MAP1S: variants seen among roughly 807,000 people sequenced by gnomAD.
MAP1S encodes microtubule-associated protein 1S.
A neutral mutation model predicts 60.9 loss-of-function variants in MAP1S; 27 were observed. The ratio of observed to expected loss-of-function variants is 0.44; its 90% CI spans 0.33 to 0.61. The LOEUF is 0.61. MAP1S is among the 20% of genes least tolerant of loss of function. The probability of loss-of-function intolerance (pLI) is 0.03; values close to 1 mark genes in which losing one functional copy is unlikely to be tolerated. For missense variants in MAP1S, 1,608 were observed against 1,486.6 expected, an observed-to-expected ratio of 1.08 and a Z score of -1.34; for synonymous variants, 826 against 694.2, an observed-to-expected ratio of 1.19 and a Z score of -2.98.
rs1568291312 is a variant in MAP1S, at chr19:17,725,238, C to G, written c.444+49C>G. On this transcript the variant is annotated intron_variant, in intron 4 of 6. Coordinates refer to ENST00000324096, the MANE Select transcript of MAP1S (RefSeq NM_018174.6). The surrounding 1 kb of genome is among the most constrained non-coding windows in gnomAD (Gnocchi z 4.2). ...CTGCTTCCCCAGCTCTGAATCCTGA[C>G]TGGGGTGTATCAGGCTGTGTGGCAC... 1 of 1,570,604 alleles carries G rather than the reference C, an allele frequency of 6.4e-7. No individual in the cohort carries two copies. Among genetic ancestry groups the G allele is most frequent in the Non-Finnish European group, 8.6e-7 (1 of 1,158,556 alleles).
chr19:17,724,007 T>C, intron 2 of MAP1S, 119 bp from the exon 3 acceptor site: 1 of 707,070 alleles, frequency 1.4e-6, no homozygotes, highest in South Asian at 1.6e-5. Flanking sequence ...CCTGCAGCTC[T>C]GCCGTGCGCC....
At position 17,733,242 on chromosome 19, in the gene MAP1S, G is replaced by A. The variant is rs1184820685; in HGVS notation, c.2838G>A (p.Pro946=). 9 of 1,546,672 alleles carry A rather than the reference G, an allele frequency of 5.8e-6. No homozygotes were observed. The highest frequency in any genetic ancestry group is 2.7e-5 in the African/African-American group (2 of 72,852). ...PGVSATPPKS[P]VYLDLAYLPS... ...TGTCAGCCACCCCACCCAAGTCCCC[G>A]GTCTACCTGGACCTGGCCTACCTGC... Residue 946 remains proline, a synonymous_variant, in exon 6 of 7, where the codon CCG becomes CCA. Transcript: ENST00000324096.
Position 17,726,632 on chromosome 19 carries a change from G to A in MAP1S, c.1248G>A (p.Leu416=). 6.4e-7 allele frequency: 1 copy of A among 1,573,658 alleles called. No individual in the cohort carries two copies. The highest frequency in any genetic ancestry group is 8.6e-7 in the Non-Finnish European group (1 of 1,163,960). Residue 416 remains leucine (L), a synonymous_variant, in exon 5 of 7, where the codon CTG becomes CTA. Transcript: ENST00000324096. ...ERTLASVCAL[L]VWHPAGPGEK... Reference sequence around the variant, plus strand: ...CGCTGGCCTCTGTGTGCGCCCTGCTGGTGTGGCACCCCGCCGGCCCCGGCG... The same window carrying A: ...CGCTGGCCTCTGTGTGCGCCCTGCTAGTGTGGCACCCCGCCGGCCCCGGCG...
intron 3 of MAP1S, among the ~76,000 whole-genome samples, chr19:17,724,570 T>G (rs2145973321): frequency 6.6e-6 from 1 of 152,324 alleles, no homozygotes; most frequent in African/African-American, 2.4e-5. Context: ...AACCAGCTTG[T>G]GGCCATCTGT....
chr19:17,721,349 G>A (rs569505374), intron 2 of MAP1S: 42 of 387,312 alleles, frequency 1.1e-4, no homozygotes, highest in South Asian at 7.9e-4. Flanking sequence ...CAGTGGAAGG[G>A]AAGGGCCCCA....
In MAP1S at chr19:17,726,454, T is replaced by C; in HGVS notation, c.1070T>C (p.Leu357Pro). Residue 357 changes from leucine (L) to proline (P), a missense_variant, in exon 5 of 7, where the codon CTG becomes CCG. Leu to Pro is a moderately conservative substitution (Grantham distance 98). Transcript: ENST00000324096. ...RLARGEDEAELALSLLAQLGI... is the reference protein window; with the variant it reads ...RLARGEDEAEPALSLLAQLGI... ...GCGCGCGGCGAGGATGAGGCGGAGCTGGCGCTGAGCCTCCTGGCGCAGCTG... is the reference window on the plus strand; with the variant it reads ...GCGCGCGGCGAGGATGAGGCGGAGCCGGCGCTGAGCCTCCTGGCGCAGCTG... 1 of 1,553,418 alleles carries C rather than the reference T, an allele frequency of 6.4e-7. No homozygotes were observed. Among genetic ancestry groups the C allele is most frequent in the Non-Finnish European group, 8.7e-7 (1 of 1,155,606 alleles).
At chr19:17,728,932 G>A (rs2080468911) in intron 5 of MAP1S, 1 of 152,200 alleles carries the variant, frequency 6.6e-6, no homozygotes, top group Non-Finnish European at 1.5e-5. Context: ...CTGTGAAATG[G>A]AAACTGACCT....
In MAP1S at chr19:17,727,556, C is replaced by G; in HGVS notation, c.2172C>G (p.Pro724=). The G allele has an allele frequency of 6.2e-7, 1 of 1,608,098 alleles. No homozygotes were observed. The highest frequency in any genetic ancestry group is 2.2e-5 in the East Asian group (1 of 44,810). Reference sequence around the variant, plus strand: ...GGCTGAGCCTCCCGCTGCGTGGCCCCCGGGCGCGGCGCTCGGCTTCCCCAC... The same window carrying G: ...GGCTGAGCCTCCCGCTGCGTGGCCCGCGGGCGCGGCGCTCGGCTTCCCCAC... ...EAGLSLPLRG[P]RARRSASPHD... The change falls in exon 5 of 7, where the codon CCC becomes CCG. Residue 724 remains proline, a synonymous_variant. Coordinates refer to ENST00000324096, the MANE Select transcript of MAP1S (RefSeq NM_018174.6). This position sits in a 1 kb window ranked among gnomAD's most constrained non-coding sequence, Gnocchi z 4.1.
At position 17,720,968 on chromosome 19, in the gene MAP1S, T is replaced by G; in HGVS notation, c.151T>G (p.Cys51Gly). The G allele has an allele frequency of 6.2e-7, 1 of 1,614,124 alleles. No individual in the cohort carries two copies. The highest frequency in any genetic ancestry group is 8.5e-7 in the Non-Finnish European group (1 of 1,179,978). Residue 51 changes from cysteine (C) to glycine (G), a missense_variant, in exon 2 of 7, where the codon TGC becomes GGC. Physicochemically the swap from Cys to Gly is radical, Grantham distance 159. Transcript: ENST00000324096. ...GTCTTGGGATGTCGATCCTGGCGTC[T>G]GCAACCTTGATGAACAGCTCAAGGT... ...IRSWDVDPGV[C>G]NLDEQLKVFV... is the part of the protein sequence containing the mutation.
intron 2 of MAP1S, 137 bp downstream of exon 2, chr19:17,721,174 C>G: frequency 1.3e-6 from 1 of 751,948 alleles, no homozygotes; most frequent in Non-Finnish European, 2.3e-6. Context: ...CAAATGCAAG[C>G]CGTGACCCAG....
In MAP1S at chr19:17,726,594, G is replaced by T; in HGVS notation, c.1210G>T (p.Gly404Cys). 1 of 1,572,310 alleles carries T rather than the reference G, an allele frequency of 6.4e-7. No homozygotes were observed. ...GTATGTGCTGCACCCGCCCTCCGCC[G>T]GCGCCGAGCGCACGCTGGCCTCTGT... ...DMYVLHPPSAGAERTLASVCA... is the reference protein window; with the variant it reads ...DMYVLHPPSACAERTLASVCA... The change falls in exon 5 of 7, where the codon GGC becomes TGC. Residue 404 changes from glycine to cysteine, a missense_variant. Transcript: ENST00000324096.
At chr19:17,720,592 G>C in intron 1 of MAP1S, 1 of 1,313,498 alleles carries the variant, frequency 7.6e-7, no homozygotes, top group Non-Finnish European at 1.0e-6. Context: ...GTAGGAACAG[G>C]TGGGGGCGGC....
Position 17,726,270 on chromosome 19 carries a change from G to T in MAP1S, c.886G>T (p.Asp296Tyr). ...DAVLVTHPGA[D>Y]SLPGLNSLLR... ...CGTGCTGGTGACCCACCCTGGCGCCGACAGCCTCCCCGGCCTCAACAGCCT... is the reference window on the plus strand; with the variant it reads ...CGTGCTGGTGACCCACCCTGGCGCCTACAGCCTCCCCGGCCTCAACAGCCT... Residue 296 changes from aspartate (D) to tyrosine (Y), a missense_variant, in exon 5 of 7, where the codon GAC becomes TAC. By Grantham distance (160) the Asp-to-Tyr change is radical. Transcript: ENST00000324096. 1 of 1,606,488 alleles carries T rather than the reference G, an allele frequency of 6.2e-7. No individual in the cohort carries two copies.
Position 17,726,992 on chromosome 19 carries a change from C to G in MAP1S, c.1608C>G (p.Thr536=), listed in dbSNP as rs756724582. ...KKDPKPSVSR[T]QPREVRRAAS... ...ACCCCAAACCGAGTGTCTCCCGGAC[C>G]CAGCCGCGGGAGGTGCGCCGGGCAG... Residue 536 remains threonine (T), a synonymous_variant, in exon 5 of 7, where the codon ACC becomes ACG. Coordinates refer to ENST00000324096, the MANE Select transcript of MAP1S (RefSeq NM_018174.6). 4.4e-6 allele frequency: 7 copies of G among 1,578,890 alleles called. No individual in the cohort carries two copies. Among genetic ancestry groups the G allele is most frequent in the African/African-American group, 2.7e-5 (2 of 74,324 alleles).
chr19:17,734,284 C>A lies in MAP1S; in HGVS notation c.3036C>A (p.Ile1012=). 6.2e-7 allele frequency: 1 copy of A among 1,613,038 alleles called. No individual in the cohort carries two copies. The highest frequency in any genetic ancestry group is 2.2e-5 in the East Asian group (1 of 44,818). ...HWDRDLQVTL[I]PTFDSVAMHT... ...CCCTCCACCTGCAGGTGACCCTGAT[C>A]CCCACTTTCGACTCGGTGGCCATGC... Residue 1012 remains isoleucine (I), a synonymous_variant, in exon 7 of 7, where the codon ATC becomes ATA. Transcript: ENST00000324096.
chr19:17,728,231 A>G (rs2080461875), intron 5 of MAP1S, 59 bp downstream of exon 5: 1 of 1,484,968 alleles, frequency 6.7e-7, no homozygotes, highest in Non-Finnish European at 9.0e-7. Flanking sequence ...TGGAGAGCAT[A>G]GCTCGTCCCC....
Position 17,726,590 on chromosome 19 carries a change from C to T in MAP1S, c.1206C>T (p.Ser402=), listed in dbSNP as rs558683759. Reference sequence around the variant, plus strand: ...ACATGTATGTGCTGCACCCGCCCTCCGCCGGCGCCGAGCGCACGCTGGCCT... The same window carrying T: ...ACATGTATGTGCTGCACCCGCCCTCTGCCGGCGCCGAGCGCACGCTGGCCT... ...RLDMYVLHPP[S]AGAERTLASV... is the part of the protein sequence containing the mutation. Residue 402 remains serine, a synonymous_variant, in exon 5 of 7, where the codon TCC becomes TCT. Transcript: ENST00000324096. 2 of 1,572,982 alleles carry T rather than the reference C, an allele frequency of 1.3e-6. No homozygotes were observed. Among genetic ancestry groups the T allele is most frequent in the Non-Finnish European group, 1.7e-6 (2 of 1,164,356 alleles).
Position 17,734,491 on chromosome 19 carries a change from G to C in MAP1S, c.*63G>C. ...CCTGTCCCTAGATTCAGCCACATCA[G>C]AAATAAACTGTGACTACACTTGGCT... On this transcript the variant is annotated 3_prime_UTR_variant, in exon 7 of 7. Coordinates refer to ENST00000324096, the MANE Select transcript of MAP1S (RefSeq NM_018174.6). 1 of 1,548,792 alleles carries C rather than the reference G, an allele frequency of 6.5e-7. No individual in the cohort carries two copies. Among genetic ancestry groups the C allele is most frequent in the Non-Finnish European group, 8.7e-7 (1 of 1,145,590 alleles).
chr19:17,720,258 C>T (rs1469881523), intron 1 of MAP1S: 2 of 1,399,198 alleles, frequency 1.4e-6, no homozygotes, highest in South Asian at 1.6e-5. Flanking sequence ...ATCCCCCATC[C>T]CTCGGAGCAT....
Sources: allele counts gnomAD v4.1 joint callset (sites outside exome capture counted in the v4.1 genomes callset), GRCh38; gene constraint gnomAD v4.1.1; non-coding constraint Gnocchi (gnomAD v3.1); transcripts MANE v1.5; gene names NCBI Gene and HGNC (gene_info 2026-07-23, HGNC 2026-07-21).